The following MBNL1 variants were observed in gnomAD, a reference collection of about 807,000 sequenced individuals.
MBNL1 encodes the protein muscleblind like splicing regulator 1.
In MBNL1, 8 loss-of-function variants were observed where a neutral mutation model predicts 42.2. The observed-to-expected ratio is 0.19, with a 90% CI of 0.11 to 0.34. MBNL1 has a LOEUF of 0.34. MBNL1 is among the 10% of genes least tolerant of loss of function. MBNL1 has a pLI of 1.00. For missense variants in MBNL1, 309 were observed against 495.3 expected, an observed-to-expected ratio of 0.62 and a Z score of 3.57; for synonymous variants, 169 against 173.9, an observed-to-expected ratio of 0.97 and a Z score of 0.22.
chr3:152,458,348 G>A, intron 8 of MBNL1: 1 of 626,786 alleles, frequency 1.6e-6, no homozygotes, highest in South Asian at 2.0e-5. Context: ...ATTAGCCTAA[G>A]ATGTCTAAAT....
At chr3:152,393,535 T>C (rs1421196514) in intron 2 of MBNL1, among the ~76,000 whole-genome samples, 1 of 152,230 alleles carries the variant, frequency 6.6e-6, no homozygotes. Flanking sequence ...CGGTGAAATA[T>C]GATTCAGGTC....
chr3:152,338,432 G>T (rs2091952988), intron 2 of MBNL1: 1 of 985,270 alleles, frequency 1.0e-6, no homozygotes, highest in Admixed American at 6.2e-5. Flanking sequence ...TGAGCACCGT[G>T]CTGGGTACCA....
chr3:152,359,120 ATTAT>A (rs1271629532), intron 2 of MBNL1, among the ~76,000 whole-genome samples: 1 of 152,202 alleles, frequency 6.6e-6, no homozygotes, highest in Non-Finnish European at 1.5e-5. Context: ...TGCCTATTAT[ATTAT>A]TTGAGTTTAA....
rs762097022 is a variant in MBNL1, at chr3:152,447,659, C to A, written c.847C>A (p.Pro283Thr). The A allele has an allele frequency of 6.2e-7, 1 of 1,613,828 alleles. No homozygotes were observed. The highest frequency in any genetic ancestry group is 1.1e-5 in the South Asian group (1 of 91,084). ...QAVLPPLPKR[P>T]ALEKTNGATA... is the part of the protein sequence containing the mutation. ...TGTACTTCCCCCATTACCAAAGAGG[C>A]CTGCTCTTGAAAAAACCAACGGTGC... is the stretch of plus-strand genomic sequence containing the variant. The change falls in exon 6 of 10, where the codon CCT becomes ACT. Residue 283 changes from proline to threonine, a missense_variant. Pro to Thr is a conservative substitution (Grantham distance 38). Coordinates refer to ENST00000324210, the MANE Select transcript of MBNL1 (RefSeq NM_021038.5).
chr3:152,402,834 G>C (rs1165968967), intron 2 of MBNL1, among the ~76,000 whole-genome samples: 1 of 152,172 alleles, frequency 6.6e-6, no homozygotes, highest in African/African-American at 2.4e-5. Flanking sequence ...AATATAGTCA[G>C]GACTCATTCA....
intron 2 of MBNL1, among the ~76,000 whole-genome samples, chr3:152,390,166 C>A (rs1010447104): frequency 6.6e-6 from 1 of 151,070 alleles, no homozygotes; most frequent in Non-Finnish European, 1.5e-5. Flanking sequence ...AAAAAAAAAA[C>A]TTACTGACTC....
chr3:152,458,011 C>T (rs1045042525), intron 8 of MBNL1: 15 of 724,800 alleles, frequency 2.1e-5, no homozygotes, highest in Non-Finnish European at 3.0e-5. Context: ...GCCTACAGTA[C>T]ATTAGCAATG....
At chr3:152,421,200 A>G (rs557220412) in intron 3 of MBNL1, among the ~76,000 whole-genome samples, 22 of 152,304 alleles carry the variant, frequency 1.4e-4, no homozygotes, top group African/African-American at 4.6e-4. Context: ...ACACTTCAGG[A>G]TATTAGCCAG....
At chr3:152,365,777 A>G (rs866207338) in intron 2 of MBNL1, among the ~76,000 whole-genome samples, 2 of 152,174 alleles carry the variant, frequency 1.3e-5, no homozygotes, top group Non-Finnish European at 2.9e-5. Flanking sequence ...CTGAAAGTGT[A>G]TGAAATGTTT....
intron 2 of MBNL1, among the ~76,000 whole-genome samples, chr3:152,344,615 G>A (rs1001881139): frequency 6.6e-6 from 1 of 152,168 alleles, no homozygotes; most frequent in Non-Finnish European, 1.5e-5. Context: ...TCCTGTCAGT[G>A]TGGAACTTTC....
intron 2 of MBNL1, among the ~76,000 whole-genome samples, chr3:152,399,266 CCTT>C (rs2098117119): frequency 6.6e-6 from 1 of 151,966 alleles, no homozygotes; most frequent in African/African-American, 2.4e-5. Flanking sequence ...CCTTGCCTTG[CCTT>C]CTTCTTCCTT....
rs201018898 is a variant in MBNL1 at position 152,294,278 on chromosome 3, C to CTT, written c.-789-5105_-789-5104dup. ...ATTATTCAGATTTTAAAGTTTGATT[C>CTT]TTTTTTTTTTTTTTTTTTTTTTTGA... On this transcript the variant is annotated intron_variant, in intron 1 of 9. Coordinates refer to ENST00000324210, the MANE Select transcript of MBNL1 (RefSeq NM_021038.5). Among the ~76,000 whole-genome samples the CTT allele has an allele frequency of 5.4e-3, 654 of 120,958 alleles. 1 individual carries two copies. The highest frequency in any genetic ancestry group is 6.9e-3 in the Non-Finnish European group (390 of 56,366). The allele number at this position is 120,958 out of a possible 152,430, so 79.4% of individuals were successfully genotyped here. A position where few individuals can be genotyped will look rare whatever the true frequency, so the allele number is the denominator to read the frequency against.
At chr3:152,395,673 C>G (rs965990341) in intron 2 of MBNL1, among the ~76,000 whole-genome samples, 2 of 152,166 alleles carry the variant, frequency 1.3e-5, no homozygotes, top group Non-Finnish European at 2.9e-5. Context: ...GATGGATTAT[C>G]TTTGCTTGTA....
chr3:152,251,407 A>G (rs2149402145), intron 2 of MBNL1, among the ~76,000 whole-genome samples: 1 of 152,238 alleles, frequency 6.6e-6, no homozygotes, highest in East Asian at 1.9e-4. Context: ...TTTGTGGGGA[A>G]AACATTTAAA....
chr3:152,334,125 A>G (rs1199139073), intron 2 of MBNL1, among the ~76,000 whole-genome samples: 1 of 152,218 alleles, frequency 6.6e-6, no homozygotes, highest in Non-Finnish European at 1.5e-5. Context: ...GATGAAGTGA[A>G]CACTGTGATG....
intron 9 of MBNL1, among the ~76,000 whole-genome samples, chr3:152,459,951 G>T (rs1742068588): frequency 6.6e-6 from 1 of 151,652 alleles, no homozygotes; most frequent in Non-Finnish European, 1.5e-5. Flanking sequence ...ATACACAGGG[G>T]CATTAGAATG....
At chr3:152,246,923 A>G (rs1486047929) in intron 2 of MBNL1, among the ~76,000 whole-genome samples, 1 of 152,130 alleles carries the variant, frequency 6.6e-6, no homozygotes, top group Non-Finnish European at 1.5e-5. Flanking sequence ...ATAGAAAAGA[A>G]TGATCTGCTT....
At chr3:152,281,025 G>A (rs559424246) in intron 1 of MBNL1, among the ~76,000 whole-genome samples, 48 of 152,088 alleles carry the variant, frequency 3.2e-4, no homozygotes, top group Non-Finnish European at 6.2e-4. Context: ...CCATTCATAA[G>A]TGAAATAATA....
chr3:152,304,871 T>C, intron 2 of MBNL1, among the ~76,000 whole-genome samples: 1 of 152,210 alleles, frequency 6.6e-6, no homozygotes, highest in East Asian at 1.9e-4. Flanking sequence ...TTAGAACTTT[T>C]TTAGAAAACT....
Sources: gnomAD v4.1 joint callset for allele counts (sites outside exome capture counted in the v4.1 genomes callset) on GRCh38, gnomAD v4.1.1 for gene constraint, MANE v1.5 for transcripts, NCBI Gene and HGNC (gene_info 2026-07-23, HGNC 2026-07-21) for gene names.